The following SLIT2 variants were observed in gnomAD, a reference collection of about 807,000 sequenced individuals.
SLIT2 encodes slit homolog 2 protein.
A neutral mutation model predicts 185.7 loss-of-function variants in SLIT2; 41 were observed. That is an observed-to-expected ratio of 0.22 (90% confidence interval 0.17 to 0.29). The LOEUF (loss-of-function observed/expected upper bound fraction) is 0.29, where lower values mean the gene tolerates loss of function less well. Among genes scored for constraint, SLIT2 ranks in the 10% least tolerant of loss-of-function variants. The pLI, the probability that SLIT2 is intolerant of heterozygous loss-of-function variation, is 1.00. For missense variants in SLIT2, 1,571 were observed against 1,909.0 expected (o/e 0.82, Z 3.30); for synonymous variants, 693 against 680.2 (o/e 1.02, Z -0.29).
At chr4:20,467,672 T>C in intron 4 of SLIT2, 80 bp from the exon 5 acceptor site, 1 of 861,696 alleles carries the variant, frequency 1.2e-6, no homozygotes, top group Non-Finnish European at 1.8e-6. Flanking sequence ...TGGTGTCCTA[T>C]AACTTCTCAA....
chr4:20,345,293 T>A (rs1462142569), intron 4 of SLIT2, among the ~76,000 whole-genome samples: 1 of 152,114 alleles, frequency 6.6e-6, no homozygotes, highest in Non-Finnish European at 1.5e-5. Context: ...TGTGCTGATA[T>A]ATTTTTATCC....
chr4:20,292,279 T>C (rs1014916787), intron 4 of SLIT2, among the ~76,000 whole-genome samples: 4 of 152,216 alleles, frequency 2.6e-5, no homozygotes, highest in African/African-American at 9.6e-5. Context: ...TGTCTGAACA[T>C]CTTGATTAGA....
intron 4 of SLIT2, among the ~76,000 whole-genome samples, chr4:20,302,711 GAGAGT>G (rs1717170478): frequency 1.3e-5 from 2 of 152,188 alleles, no homozygotes; most frequent in Non-Finnish European, 2.9e-5. Context: ...ACCAAGAGAG[GAGAGT>G]AATCGATTGG....
At chr4:20,397,487 C>T (rs1725989198) in intron 4 of SLIT2, among the ~76,000 whole-genome samples, 1 of 151,760 alleles carries the variant, frequency 6.6e-6, no homozygotes, top group African/African-American at 2.4e-5. Flanking sequence ...CTGAAGGCTG[C>T]TTCCCTGGAG....
At position 20,472,546 on chromosome 4, in the gene SLIT2, C is replaced by CTA. The variant is rs1491282044; in HGVS notation, c.467+4730_467+4731dup. The stretch of plus-strand genomic sequence containing the variant: ...TATCTATATATAGATATATCTATAT[C>CTA]TATATATAGATATATATCTATATAT... On this transcript the variant is annotated intron_variant, in intron 5 of 36. Coordinates refer to ENST00000504154, the MANE Select transcript of SLIT2 (RefSeq NM_004787.4). 8.9e-4 allele frequency among the ~76,000 whole-genome samples: 4 copies of CTA among 4,476 alleles called. 2 individuals carry two copies. The highest frequency in any genetic ancestry group is 7.8e-3 in the African/African-American group (4 of 514). 2.9% of individuals were successfully genotyped at this position (4,476 alleles called of 152,430 possible).
intron 9 of SLIT2, among the ~76,000 whole-genome samples, chr4:20,510,040 G>A (rs979312520): frequency 1.3e-5 from 2 of 152,092 alleles, no homozygotes; most frequent in Non-Finnish European, 2.9e-5. Flanking sequence ...CCGATCATAT[G>A]CTTTCCATAG....
intron 4 of SLIT2, among the ~76,000 whole-genome samples, chr4:20,283,314 G>A (rs1215866516): frequency 1.3e-5 from 2 of 152,168 alleles, no homozygotes; most frequent in African/African-American, 4.8e-5. Context: ...GTGTGAACTT[G>A]CAGGAGTCTT....
chr4:20,522,894 G>T (rs766325930), intron 12 of SLIT2, among the ~76,000 whole-genome samples: 3 of 152,088 alleles, frequency 2.0e-5, no homozygotes, highest in Non-Finnish European at 4.4e-5. Context: ...ATTTACTGTG[G>T]GGGTAGGGAG....
intron 14 of SLIT2, 25 bp from the exon 15 acceptor site, chr4:20,525,124 A>AT: frequency 4.4e-6 from 7 of 1,590,678 alleles, no homozygotes; most frequent in Non-Finnish European, 6.0e-6. Flanking sequence ...TGCATCTTCT[A>AT]TTTTTTGTCT....
At chr4:20,271,514 C>T (rs965426416) in intron 4 of SLIT2, among the ~76,000 whole-genome samples, 4 of 141,390 alleles carry the variant, frequency 2.8e-5, no homozygotes, top group African/African-American at 7.8e-5. Flanking sequence ...TATAGCAAGC[C>T]ATAGTTGCCC....
chr4:20,491,583 C>G (rs567279260), intron 8 of SLIT2, among the ~76,000 whole-genome samples, 178 bp from the exon 9 acceptor site: 21 of 152,184 alleles, frequency 1.4e-4, no homozygotes, highest in African/African-American at 4.8e-4. Flanking sequence ...CTTTATTGAC[C>G]TGAATATATA....
intron 4 of SLIT2, among the ~76,000 whole-genome samples, chr4:20,456,187 G>A (rs973346860): frequency 1.4e-5 from 1 of 72,706 alleles, no homozygotes; most frequent in African/African-American, 7.0e-5. Context: ...TGTGAATGAA[G>A]GGTCCTCTTA....
chr4:20,562,559 G>A (rs1724780738), intron 26 of SLIT2, among the ~76,000 whole-genome samples: 1 of 151,708 alleles, frequency 6.6e-6, no homozygotes, highest in Admixed American at 6.6e-5. Flanking sequence ...CTGCTAAACT[G>A]TAAGTTTTTT....
intron 4 of SLIT2, among the ~76,000 whole-genome samples, chr4:20,406,110 G>T (rs1468621971): frequency 7.0e-6 from 1 of 143,266 alleles, no homozygotes; most frequent in East Asian, 2.5e-4. Flanking sequence ...GATTTACACA[G>T]GTAAACAACT....
chr4:20,345,470 C>T (rs907438947), intron 4 of SLIT2, among the ~76,000 whole-genome samples: 2 of 151,732 alleles, frequency 1.3e-5, no homozygotes, highest in African/African-American at 4.8e-5. Flanking sequence ...CTGGCTCTTT[C>T]CTGGTCTGGA....
At chr4:20,324,805 C>G (rs181078955) in intron 4 of SLIT2, among the ~76,000 whole-genome samples, 115 of 152,196 alleles carry the variant, frequency 7.6e-4, no homozygotes, top group Middle Eastern at 3.4e-3. Flanking sequence ...ATGTTCACTA[C>G]TTTGATTGTG....
intron 4 of SLIT2, among the ~76,000 whole-genome samples, chr4:20,326,224 A>G (rs937860502): frequency 1.4e-4 from 22 of 152,076 alleles, no homozygotes; most frequent in African/African-American, 5.3e-4. Flanking sequence ...TCTATATACT[A>G]TATGTTTTAG....
chr4:20,509,001 C>T (rs1719454630), intron 9 of SLIT2, among the ~76,000 whole-genome samples: 1 of 151,450 alleles, frequency 6.6e-6, no homozygotes, highest in Non-Finnish European at 1.5e-5. Context: ...ATTTTATTTC[C>T]ATTAAATGTT....
At chr4:20,596,290 C>G in intron 31 of SLIT2, 125 bp from the exon 32 acceptor site, 1 of 905,416 alleles carries the variant, frequency 1.1e-6, no homozygotes, top group East Asian at 2.5e-5. Flanking sequence ...GTTAAGAATA[C>G]TTGAAAACTG....
Sources: allele counts gnomAD v4.1 joint callset (sites outside exome capture counted in the v4.1 genomes callset), GRCh38; gene constraint gnomAD v4.1.1; transcripts MANE v1.5; gene names NCBI Gene and HGNC (gene_info 2026-07-23, HGNC 2026-07-21).